SYNJ1: variants seen among roughly 807,000 people sequenced by gnomAD.
The protein encoded by SYNJ1 is polyphosphatidylinositol phosphatase SYNJ1.
In SYNJ1, 78 loss-of-function variants were observed where a neutral mutation model predicts 168.2. The ratio of observed to expected loss-of-function variants is 0.46; its 90% CI spans 0.39 to 0.56. SYNJ1 has a LOEUF of 0.56. Ranked by LOEUF, SYNJ1 falls within the 20% of genes least tolerant of loss-of-function variation. The probability of loss-of-function intolerance (pLI) is 0.00; values close to 1 mark genes in which losing one functional copy is unlikely to be tolerated. For synonymous variants in SYNJ1, 539 were observed against 548.6 expected (o/e 0.98, Z 0.24); for missense variants, 1,303 against 1,597.6 (o/e 0.82, Z 3.14).
chr21:32,638,634 T>C (rs2039685457), intron 31 of SYNJ1, among the ~76,000 whole-genome samples: 2 of 151,892 alleles, frequency 1.3e-5, no homozygotes, highest in African/African-American at 2.4e-5. Context: ...GAGGCGGAGG[T>C]TGCAGTGAGC....
chr21:32,666,360 A>G (rs1392015183), intron 16 of SYNJ1, 73 bp downstream of exon 16: 1 of 1,548,634 alleles, frequency 6.5e-7, no homozygotes, highest in Non-Finnish European at 8.7e-7. Flanking sequence ...AACTGAAACA[A>G]TAAACATTCT....
At chr21:32,688,268 A>G in intron 7 of SYNJ1, 38 bp downstream of exon 7, 2 of 1,592,086 alleles carry the variant, frequency 1.3e-6, no homozygotes, top group Non-Finnish European at 1.7e-6. Flanking sequence ...CTGCTTAGCA[A>G]TATCAAAACT....
At chr21:32,728,135 G>T (rs1601569304), upstream of SYNJ1, 21 of 1,385,798 alleles carry the variant, frequency 1.5e-5, 2 homozygotes, top group East Asian at 5.9e-4. Context: ...GACCGGCTGG[G>T]CCTGGCACCC....
At chr21:32,674,583 G>A (rs916434341) in intron 13 of SYNJ1, among the ~76,000 whole-genome samples, 8 of 150,296 alleles carry the variant, frequency 5.3e-5, no homozygotes, top group African/African-American at 2.0e-4. Context: ...ATTGTTAAAT[G>A]AATGAATGTT....
chr21:32,700,765 T>C (rs1012688229), intron 3 of SYNJ1, among the ~76,000 whole-genome samples: 6 of 152,232 alleles, frequency 3.9e-5, no homozygotes, highest in African/African-American at 1.4e-4. Flanking sequence ...TCAGGTAAGA[T>C]AATGAATTCA....
intron 2 of SYNJ1, among the ~76,000 whole-genome samples, chr21:32,717,658 G>A (rs185994162): frequency 6.6e-6 from 1 of 152,274 alleles, no homozygotes; most frequent in East Asian, 1.9e-4. Flanking sequence ...TCCCAGCCCT[G>A]TGTGAGCTCC....
rs149288077 is a variant in SYNJ1 at position 32,639,077 on chromosome 21, G to C, written c.3746C>G (p.Pro1249Arg). ...EPLKPQAAFP[P>R]QSSLPPPAQR... ...AGCAGGCGGGGGCAAAGAAGACTGC[G>C]GAGGAAAAGCAGCCTGAGGCTTCAG... is the stretch of plus-strand genomic sequence containing the variant. Residue 1249 changes from proline (P) to arginine (R), a missense_variant, in exon 31 of 33, where the codon CCG becomes CGG. Coordinates refer to ENST00000674351, the MANE Select transcript of SYNJ1 (RefSeq NM_203446.3). 9 of 1,613,916 alleles carry C rather than the reference G, an allele frequency of 5.6e-6. No individual in the cohort carries two copies. The highest frequency in any genetic ancestry group is 6.8e-6 in the Non-Finnish European group (8 of 1,179,960).
chr21:32,707,281 TCC>T (rs1243851700), intron 2 of SYNJ1, among the ~76,000 whole-genome samples: 2 of 150,066 alleles, frequency 1.3e-5, no homozygotes, highest in African/African-American at 2.4e-5. Flanking sequence ...TATTTCTTTT[TCC>T]TTTTTTTTTT....
rs542405957 is a variant in SYNJ1, at chr21:32,656,762, T to C, written c.2720A>G (p.Asn907Ser). ...LVSIKSSLPE[N>S]NFFDDALIDE... The stretch of plus-strand genomic sequence containing the variant: ...AATCAAGGCATCATCAAAAAAATTA[T>C]TTTCTGGTAAAGAACTTTTGATTGA... Residue 907 changes from asparagine to serine, a missense_variant, in exon 21 of 33, where the codon AAT (asparagine) becomes AGT (serine). This residue lies in a region of SYNJ1 where 920 missense variants were observed against 1,208.8 expected (regional missense o/e 0.76). Transcript: ENST00000674351. 2 of 1,614,118 alleles carry C rather than the reference T, an allele frequency of 1.2e-6. No individual in the cohort carries two copies. The highest frequency in any genetic ancestry group is 3.3e-5 in the Admixed American group (2 of 60,012).
chr21:32,673,365 C>G lies in SYNJ1; in HGVS notation c.1701G>C (p.Lys567Asn), dbSNP rs147684005. ...TLTDWLLDAP[K>N]LAGIQEFQDK... is the part of the protein sequence containing the mutation. ...CTTGAAACTCCTGGATGCCAGCTAA[C>G]TTGGGTGCATCAAGAAGCCAGTCAG... is the stretch of plus-strand genomic sequence containing the variant. Residue 567 changes from lysine to asparagine, a missense_variant, in exon 14 of 33, where the codon AAG (lysine) becomes AAC (asparagine). Physicochemically the swap from Lys to Asn is moderately conservative, Grantham distance 94. This residue lies in a region of SYNJ1 where 920 missense variants were observed against 1,208.8 expected (regional missense o/e 0.76). Coordinates refer to ENST00000674351, the MANE Select transcript of SYNJ1 (RefSeq NM_203446.3). 50 of 1,609,856 alleles carry G rather than the reference C, an allele frequency of 3.1e-5. No homozygotes were observed. The African/African-American group carries it at 5.6e-4, about 18-fold the overall frequency.
Position 32,631,631 on chromosome 21 carries a change from C to T in SYNJ1, c.*174G>A, listed in dbSNP as rs745464855. The stretch of plus-strand genomic sequence containing the variant: ...TTACAGAACTCAAAACATTACTTTG[C>T]GTTGCAGAAGGCAACTGAATCAACC... On this transcript the variant is annotated 3_prime_UTR_variant, in exon 33 of 33. Coordinates refer to ENST00000674351, the MANE Select transcript of SYNJ1 (RefSeq NM_203446.3). 7.5e-6 allele frequency: 12 copies of T among 1,609,606 alleles called. No homozygotes were observed. The Admixed American group carries it at 8.4e-5, about 11-fold the overall frequency.
At chr21:32,676,404 T>A (rs1433302982) in intron 12 of SYNJ1, 49 bp from the exon 13 acceptor site, 1 of 1,574,850 alleles carries the variant, frequency 6.3e-7, no homozygotes. Flanking sequence ...AAAAACAAGT[T>A]ACAATTAAAA....
intron 4 of SYNJ1, among the ~76,000 whole-genome samples, chr21:32,695,505 G>A (rs948126281): frequency 5.9e-5 from 9 of 151,956 alleles, no homozygotes. Flanking sequence ...GTATTTTTGT[G>A]TTTTTAGTAT....
intron 2 of SYNJ1, among the ~76,000 whole-genome samples, chr21:32,724,436 C>T (rs1478005713): frequency 2.6e-5 from 4 of 151,692 alleles, no homozygotes; most frequent in South Asian, 2.1e-4. Flanking sequence ...TGCAGTGAGC[C>T]GAGATCATGC....
At chr21:32,663,229 T>G (rs773298124) in intron 18 of SYNJ1, among the ~76,000 whole-genome samples, 8 of 152,182 alleles carry the variant, frequency 5.3e-5, no homozygotes, top group Non-Finnish European at 1.0e-4. Context: ...TGATAATTTC[T>G]GGGTCCTAAA....
At position 32,653,384 on chromosome 21, in the gene SYNJ1, A is replaced by G. The variant is rs1156393108; in HGVS notation, c.2796-18T>C. On this transcript the variant is annotated intron_variant, in intron 21 of 32. Coordinates refer to ENST00000674351, the MANE Select transcript of SYNJ1 (RefSeq NM_203446.3). ...CTACAAATCTTTAAGAAAAACAATAAAAAACCATAATTAATACCATAGACA... is the reference window on the plus strand; with the variant it reads ...CTACAAATCTTTAAGAAAAACAATAGAAAACCATAATTAATACCATAGACA... 1 of 1,573,096 alleles carries G rather than the reference A, an allele frequency of 6.4e-7. No individual in the cohort carries two copies. The highest frequency in any genetic ancestry group is 2.2e-5 in the East Asian group (1 of 44,668).
chr21:32,659,797 G>T (rs2040610171), intron 18 of SYNJ1, among the ~76,000 whole-genome samples: 1 of 152,184 alleles, frequency 6.6e-6, no homozygotes, highest in East Asian at 1.9e-4. Context: ...GGTGTCTGAG[G>T]GGTTCTTGTC....
At chr21:32,723,615 T>C (rs2043331460) in intron 2 of SYNJ1, among the ~76,000 whole-genome samples, 1 of 152,030 alleles carries the variant, frequency 6.6e-6, no homozygotes, top group Admixed American at 6.6e-5. Context: ...CCCAGGAGTC[T>C]GAGATCAGCA....
chr21:32,678,874 G>T (rs1055494889), intron 11 of SYNJ1, 73 bp from the exon 12 acceptor site: 4 of 1,552,420 alleles, frequency 2.6e-6, no homozygotes, highest in Non-Finnish European at 3.5e-6. Flanking sequence ...TAGGTTTTTT[G>T]AAATTTTAAA....
Sources: gnomAD v4.1 joint callset for allele counts (sites outside exome capture counted in the v4.1 genomes callset) on GRCh38, gnomAD v4.1.1 for gene constraint, gnomAD v4.1.1 regional missense constraint, MANE v1.5 for transcripts, NCBI Gene and HGNC (gene_info 2026-07-23, HGNC 2026-07-21) for gene names.